Variants in UBE2B observed in about 807,000 individuals in gnomAD.
UBE2B encodes the protein ubiquitin-conjugating enzyme E2 B.
In UBE2B, 11 loss-of-function variants were observed where a neutral mutation model predicts 24.6. The ratio of observed to expected loss-of-function variants is 0.45; its 90% confidence interval spans 0.28 to 0.74. UBE2B has a LOEUF of 0.74. Among genes scored for constraint, UBE2B ranks in the 30% least tolerant of loss-of-function variants. The pLI, the probability that UBE2B is intolerant of heterozygous loss-of-function variation, is 0.13. For synonymous variants in UBE2B, 68 were observed against 62.4 expected, an observed-to-expected ratio of 1.09 and a Z score of -0.42; for missense variants, 78 against 185.6, an observed-to-expected ratio of 0.42 and a Z score of 3.37.
intron 2 of UBE2B, among the ~76,000 whole-genome samples, chr5:134,374,768 C>A (rs948809981): frequency 6.6e-6 from 1 of 151,972 alleles, no homozygotes; most frequent in African/African-American, 2.4e-5. Context: ...CATAGTGAGC[C>A]CTTGTCTCTA....
At chr5:134,377,570 A>G (rs989040927) in intron 3 of UBE2B, among the ~76,000 whole-genome samples, 4 of 152,230 alleles carry the variant, frequency 2.6e-5, no homozygotes, top group African/African-American at 7.2e-5. Context: ...ATGTGTGTCT[A>G]TGTTAAAGGG....
chr5:134,390,018 C>T lies in UBE2B; in HGVS notation c.331-207C>T. Reference sequence around the variant, plus strand: ...CTTAAGGCAATTGAGAACTTTATTTCAGAAGCTTAAGTTCCTTAGCAGCAG... The same window carrying T: ...CTTAAGGCAATTGAGAACTTTATTTTAGAAGCTTAAGTTCCTTAGCAGCAG... On this transcript the variant is annotated intron_variant, in intron 5 of 5. Transcript: ENST00000265339. The surrounding 1 kb of genome is among the most constrained non-coding windows in gnomAD (Gnocchi z 4.6). The T allele has an allele frequency of 1.8e-6, 1 of 566,726 alleles. No homozygotes were observed. The highest frequency in any genetic ancestry group is 3.1e-6 in the Non-Finnish European group (1 of 325,810). The allele number at this position is 566,726 out of a possible 1,614,324, so 35.1% of individuals were successfully genotyped here.
Position 134,390,834 on chromosome 5 carries a change from C to T in UBE2B, c.*481C>T, listed in dbSNP as rs1014562851. On this transcript the variant is annotated 3_prime_UTR_variant, in exon 6 of 6. Transcript: ENST00000265339. The surrounding 1 kb of genome is among the most constrained non-coding windows in gnomAD (Gnocchi z 4.6). ...GTAGGAGGGGTTAATAAGTCTCTAG[C>T]TCTCCATCTATTGATAGTTTCATTT... The T allele has an allele frequency of 2.6e-5, 4 of 156,016 alleles. No homozygotes were observed. The highest frequency in any genetic ancestry group is 1.9e-4 in the South Asian group (1 of 5,252). 9.7% of individuals were successfully genotyped at this position (156,016 alleles called of 1,614,324 possible).
chr5:134,387,269 T>C (rs569786192), intron 4 of UBE2B, among the ~76,000 whole-genome samples: 6 of 152,180 alleles, frequency 3.9e-5, no homozygotes, highest in Non-Finnish European at 8.8e-5. Flanking sequence ...TCTACTCTTA[T>C]AAGTAGTATT....
rs532078133 is a variant in UBE2B at position 134,390,458 on chromosome 5, GA to G, written c.*113del. The G allele has an allele frequency of 2.9e-3, 4,043 of 1,392,782 alleles. 13 individuals carry two copies. Among genetic ancestry groups the G allele is most frequent in the Non-Finnish European group, 3.4e-3 (3,470 of 1,016,864 alleles). The allele number at this position is 1,392,782 out of a possible 1,614,324, so 86.3% of individuals were successfully genotyped here. On this transcript the variant is annotated 3_prime_UTR_variant, in exon 6 of 6. Coordinates refer to ENST00000265339, the MANE Select transcript of UBE2B (RefSeq NM_003337.4). The surrounding 1 kb of genome is among the most constrained non-coding windows in gnomAD (Gnocchi z 4.6). ...TGCCACAGGTTTTAAGGATTCTGCA[GA>G]AAAAAAAGAAAAAAGTCCTTCAGTT...
intron 3 of UBE2B, among the ~76,000 whole-genome samples, chr5:134,379,937 CAG>C (rs1758681441): frequency 6.6e-6 from 1 of 151,078 alleles, no homozygotes; most frequent in Non-Finnish European, 1.5e-5. Flanking sequence ...TTTTTGGAGA[CAG>C]AGTCTTGCTC....
At chr5:134,372,073 G>A (rs1271541029) in intron 1 of UBE2B, among the ~76,000 whole-genome samples, 1 of 152,208 alleles carries the variant, frequency 6.6e-6, no homozygotes, top group Non-Finnish European at 1.5e-5. Flanking sequence ...CTTCTCCGAG[G>A]AGCCGTGTTG....
intron 3 of UBE2B, 93 bp downstream of exon 3, chr5:134,376,787 T>C: frequency 1.6e-6 from 2 of 1,255,614 alleles, no homozygotes; most frequent in South Asian, 1.4e-5. Context: ...AGCCATTTTC[T>C]ATGGTTAATA....
rs1758695765 is a variant in UBE2B, at chr5:134,380,825, A to G, written c.241+17A>G. The G allele has an allele frequency of 5.2e-6, 8 of 1,524,532 alleles. No homozygotes were observed. Among genetic ancestry groups the G allele is most frequent in the Non-Finnish European group, 5.4e-6 (6 of 1,101,150 alleles). 94.4% of individuals were successfully genotyped at this position (1,524,532 alleles called of 1,614,324 possible). A position where few individuals can be genotyped will look rare whatever the true frequency, so the allele number is the denominator to read the frequency against. Reference sequence around the variant, plus strand: ...ATCCAAATGGTAAGTAGCATTTTATAGATTTTGCAGATGATAGTGGGGAAA... The same window carrying G: ...ATCCAAATGGTAAGTAGCATTTTATGGATTTTGCAGATGATAGTGGGGAAA... On this transcript the variant is annotated intron_variant, in intron 4 of 5. Transcript: ENST00000265339.
At chr5:134,379,416 T>A (rs1173140237) in intron 3 of UBE2B, among the ~76,000 whole-genome samples, 1 of 152,010 alleles carries the variant, frequency 6.6e-6, no homozygotes, top group Admixed American at 6.6e-5. Flanking sequence ...GAGGCCAAGG[T>A]GGGCAGATCA....
At chr5:134,386,386 T>C (rs1395339939) in intron 4 of UBE2B, among the ~76,000 whole-genome samples, 1 of 150,950 alleles carries the variant, frequency 6.6e-6, no homozygotes, top group East Asian at 1.9e-4. Flanking sequence ...TCCCAGCACT[T>C]TGGGAGGCCG....
At chr5:134,376,765 A>T in intron 3 of UBE2B, 71 bp downstream of exon 3, 1 of 1,452,190 alleles carries the variant, frequency 6.9e-7, no homozygotes, top group Non-Finnish European at 9.4e-7. Flanking sequence ...TAACACCAAC[A>T]TATCTACTTG....
intron 3 of UBE2B, 31 bp downstream of exon 3, chr5:134,376,725 G>C (rs1758616257): frequency 1.3e-6 from 2 of 1,581,232 alleles, no homozygotes; most frequent in African/African-American, 2.7e-5. Context: ...TTTCTATAGT[G>C]TTATGAGGTT....
At chr5:134,386,176 A>C (rs1213541297) in intron 4 of UBE2B, among the ~76,000 whole-genome samples, 2 of 147,122 alleles carry the variant, frequency 1.4e-5, no homozygotes, top group South Asian at 2.1e-4. Context: ...AAAATACAAA[A>C]ATTAGCTGGG....
At chr5:134,376,819 A>G in intron 3 of UBE2B, 125 bp downstream of exon 3, 1 of 924,730 alleles carries the variant, frequency 1.1e-6, no homozygotes, top group Non-Finnish European at 1.6e-6. Context: ...AAGTAAAGCT[A>G]TGGAAAATTT....
At chr5:134,387,645 G>A (rs2149693855) in intron 4 of UBE2B, among the ~76,000 whole-genome samples, 1 of 152,276 alleles carries the variant, frequency 6.6e-6, no homozygotes, top group African/African-American at 2.4e-5. Context: ...GTGGAAGGCA[G>A]AATGACAAGT....
Position 134,371,573 on chromosome 5 carries a change from T to C in UBE2B, c.-23T>C, listed in dbSNP as rs1758416853. Reference sequence around the variant, plus strand: ...GCGCGGGACTTTTTTTTTTTCAGACTGACCGCGGGGCAGCTGCGGAGCATG... The same window carrying C: ...GCGCGGGACTTTTTTTTTTTCAGACCGACCGCGGGGCAGCTGCGGAGCATG... On this transcript the variant is annotated 5_prime_UTR_variant, in exon 1 of 6. Coordinates refer to ENST00000265339, the MANE Select transcript of UBE2B (RefSeq NM_003337.4). 1.2e-6 allele frequency: 2 copies of C among 1,609,662 alleles called. No homozygotes were observed. The highest frequency in any genetic ancestry group is 1.7e-6 in the Non-Finnish European group (2 of 1,178,944).
chr5:134,375,865 G>A (rs1758593062), intron 2 of UBE2B, among the ~76,000 whole-genome samples: 1 of 150,958 alleles, frequency 6.6e-6, no homozygotes, highest in Non-Finnish European at 1.5e-5. Context: ...ATTGGGATGT[G>A]GGGACAAGGA....
intron 4 of UBE2B, among the ~76,000 whole-genome samples, chr5:134,382,395 A>G (rs1268131405): frequency 2.0e-5 from 3 of 152,094 alleles, no homozygotes; most frequent in African/African-American, 7.2e-5. Flanking sequence ...TCAAGGCTGC[A>G]GTGAGCCATG....
Sources: gnomAD v4.1 joint callset for allele counts (sites outside exome capture counted in the v4.1 genomes callset) on GRCh38, gnomAD v4.1.1 for gene constraint, Gnocchi (gnomAD v3.1) non-coding constraint, MANE v1.5 for transcripts, NCBI Gene and HGNC (gene_info 2026-07-23, HGNC 2026-07-21) for gene names.